The following DKKL1 variants were observed in gnomAD, a reference collection of about 807,000 sequenced individuals.
DKKL1 encodes the protein dickkopf like acrosomal protein 1.
Under a neutral mutation model 16.5 loss-of-function variants are expected in DKKL1, and 11 were observed. The ratio of observed to expected loss-of-function variants is 0.67; its 90% CI spans 0.42 to 1.10. The LOEUF is 1.10. Among genes scored for constraint, DKKL1 ranks in the 50% least tolerant of loss-of-function variants. The pLI is 0.00. For missense variants in DKKL1, 320 were observed against 308.1 expected, an observed-to-expected ratio of 1.04 and a Z score of -0.29; for synonymous variants, 119 against 133.2, an observed-to-expected ratio of 0.89 and a Z score of 0.73.
At chr19:49,370,390 A>T (rs546378578) in intron 4 of DKKL1, 1 of 151,986 alleles carries the variant, frequency 6.6e-6, no homozygotes, top group East Asian at 1.9e-4. Context: ...ATGAAAGAAA[A>T]AGTTCCCACA....
Position 49,367,470 on chromosome 19 carries a change from G to A in DKKL1, c.417+1585G>A, listed in dbSNP as rs534985176. Reference sequence around the variant, plus strand: ...CCCCCAGGCTGGAGTGCAATGGTGCGATCTCAGCTCACTGCAACCTCCATC... The same window carrying A: ...CCCCCAGGCTGGAGTGCAATGGTGCAATCTCAGCTCACTGCAACCTCCATC... On this transcript the variant is annotated intron_variant, in intron 4 of 4. Coordinates refer to ENST00000221498, the MANE Select transcript of DKKL1 (RefSeq NM_014419.4). Among the ~76,000 whole-genome samples the A allele has an allele frequency of 6.2e-5, 9 of 145,934 alleles. No individual in the cohort carries two copies. The South Asian group carries it at 6.5e-4, about 11-fold the overall frequency.
At chr19:49,363,821 G>C (rs1196750784), upstream of DKKL1, 7 of 872,716 alleles carry the variant, frequency 8.0e-6, no homozygotes, top group Admixed American at 1.5e-4. Context: ...TTTGGAGCGT[G>C]GTCAGACAAT....
At chr19:49,370,148 T>A (rs985241464) in intron 4 of DKKL1, 4 of 152,204 alleles carry the variant, frequency 2.6e-5, no homozygotes, top group African/African-American at 9.6e-5. Context: ...AAAGCTCAGA[T>A]GAAAATGCCC....
chr19:49,364,857 A>T, intron 2 of DKKL1, 103 bp downstream of exon 2: 1 of 1,399,836 alleles, frequency 7.1e-7, no homozygotes, highest in South Asian at 1.4e-5. Context: ...ACAGGATGAG[A>T]GGGCAACAGG....
intron 4 of DKKL1, among the ~76,000 whole-genome samples, chr19:49,372,308 C>A (rs564148402): frequency 1.7e-3 from 252 of 152,212 alleles, no homozygotes; most frequent in African/African-American, 5.8e-3. Context: ...TACCCGTAGT[C>A]CCAGCACTTT....
rs766416135 is a variant in DKKL1, at chr19:49,365,653, C to T, written c.324+4C>T. ...CAGCCACCTCCAGATCGACAAGGTG[C>T]CTATGCAGGGAAGCCCTTCCTGAAG... On this transcript the variant is annotated splice_donor_region_variant and intron_variant, in intron 3 of 4. Coordinates refer to ENST00000221498, the MANE Select transcript of DKKL1 (RefSeq NM_014419.4). 1 of 1,609,822 alleles carries T rather than the reference C, an allele frequency of 6.2e-7. No individual in the cohort carries two copies. Among genetic ancestry groups the T allele is most frequent in the African/African-American group, 1.3e-5 (1 of 74,854 alleles).
At chr19:49,361,508 C>T, upstream of DKKL1, 1 of 152,500 alleles carries the variant, frequency 6.6e-6, no homozygotes, top group Non-Finnish European at 1.5e-5. Flanking sequence ...AGAGCCAGAA[C>T]AAAGGGCCCA....
At chr19:49,363,766 G>A (rs1973115737), upstream of DKKL1, 2 of 603,438 alleles carry the variant, frequency 3.3e-6, no homozygotes, top group East Asian at 2.9e-5. Flanking sequence ...CACCAAGGGC[G>A]TGGTCATGGA....
Position 49,365,776 on chromosome 19 carries a change from T to C in DKKL1, c.325-17T>C. The C allele has an allele frequency of 5.6e-6, 9 of 1,612,944 alleles. No homozygotes were observed. Among genetic ancestry groups the C allele is most frequent in the Non-Finnish European group, 6.8e-6 (8 of 1,179,414 alleles). On this transcript the variant is annotated splice_polypyrimidine_tract_variant and intron_variant, in intron 3 of 4. Coordinates refer to ENST00000221498, the MANE Select transcript of DKKL1 (RefSeq NM_014419.4). The stretch of plus-strand genomic sequence containing the variant: ...GGAAAGCAGGTTTGCTCTCACTCTC[T>C]CATCGGATCCTCACAGATGACCGAC...
intron 4 of DKKL1, chr19:49,369,148 T>C (rs887708616): frequency 6.6e-6 from 1 of 152,208 alleles, no homozygotes; most frequent in African/African-American, 2.4e-5. Flanking sequence ...GGCAGCACCC[T>C]TTCTACAGAA....
At chr19:49,373,042 G>A (rs1462531748) in intron 4 of DKKL1, among the ~76,000 whole-genome samples, 3 of 144,844 alleles carry the variant, frequency 2.1e-5, no homozygotes, top group African/African-American at 7.7e-5. Context: ...GGTGGCTCAC[G>A]CCTGTAATCC....
intron 4 of DKKL1, chr19:49,370,816 A>C (rs546566516): frequency 6.6e-6 from 1 of 152,362 alleles, no homozygotes; most frequent in Admixed American, 6.5e-5. Context: ...GATGGTGATC[A>C]GTGAAAAGTC....
At chr19:49,367,405 A>AC (rs1973296313) in intron 4 of DKKL1, among the ~76,000 whole-genome samples, 1 of 140,694 alleles carries the variant, frequency 7.1e-6, no homozygotes, top group South Asian at 2.2e-4. Flanking sequence ...CCTTTGGTAA[A>AC]CTTTTTTTTT....
At chr19:49,364,513 G>A in intron 1 of DKKL1, 69 bp from the exon 2 acceptor site, 1 of 1,432,018 alleles carries the variant, frequency 7.0e-7, no homozygotes, top group Non-Finnish European at 9.5e-7. Context: ...TGGGCAAGGT[G>A]CTGGAGAGGG....
rs1272345692 is a variant in DKKL1, at chr19:49,375,035, G to A, written c.*7G>A. On this transcript the variant is annotated 3_prime_UTR_variant, in exon 5 of 5. Transcript: ENST00000221498. ...GCCCTCTCGGCAGCTGTAGGGGTGG[G>A]GACCGGGGAGCACCTGCCTGTAGCC... 2 of 1,590,920 alleles carry A rather than the reference G, an allele frequency of 1.3e-6. No individual in the cohort carries two copies. The highest frequency in any genetic ancestry group is 1.7e-5 in the Admixed American group (1 of 58,034).
intron 4 of DKKL1, among the ~76,000 whole-genome samples, chr19:49,373,747 A>C (rs1213312715): frequency 6.6e-6 from 1 of 152,022 alleles, no homozygotes; most frequent in East Asian, 1.9e-4. Context: ...TGGATTACAC[A>C]CATGAGCCAC....
intron 2 of DKKL1, among the ~76,000 whole-genome samples, chr19:49,365,011 A>C (rs1484907872): frequency 1.3e-5 from 2 of 151,926 alleles, no homozygotes; most frequent in African/African-American, 4.8e-5. Flanking sequence ...TGTACAAAAA[A>C]ATATAAAAAA....
At chr19:49,372,967 C>T (rs535137397) in intron 4 of DKKL1, among the ~76,000 whole-genome samples, 56 of 151,988 alleles carry the variant, frequency 3.7e-4, no homozygotes, top group Non-Finnish European at 7.4e-4. Flanking sequence ...CACCATTGCA[C>T]TACAGCCTGG....
Position 49,364,691 on chromosome 19 carries a change from G to T in DKKL1, c.120G>T (p.Glu40Asp). The T allele has an allele frequency of 1.2e-6, 2 of 1,614,204 alleles. No homozygotes were observed. The highest frequency in any genetic ancestry group is 1.7e-6 in the Non-Finnish European group (2 of 1,180,036). ...AAPIHDADAQ[E>D]SSLGLTGLQS... is the part of the protein sequence containing the mutation. ...CTATCCATGATGCTGACGCCCAAGAGAGCTCCTTGGGTCTCACAGGCCTCC... is the reference window on the plus strand; with the variant it reads ...CTATCCATGATGCTGACGCCCAAGATAGCTCCTTGGGTCTCACAGGCCTCC... Residue 40 changes from glutamate (E) to aspartate (D), a missense_variant, in exon 2 of 5, where the codon GAG (glutamate) becomes GAT (aspartate). Glu to Asp is a conservative substitution (Grantham distance 45). Coordinates refer to ENST00000221498, the MANE Select transcript of DKKL1 (RefSeq NM_014419.4).
Sources: gnomAD v4.1 joint callset for allele counts (sites outside exome capture counted in the v4.1 genomes callset) on GRCh38, gnomAD v4.1.1 for gene constraint, MANE v1.5 for transcripts, NCBI Gene and HGNC (gene_info 2026-07-23, HGNC 2026-07-21) for gene names.